Variants in CSMD1 observed in about 807,000 individuals in gnomAD.
CSMD1 encodes CUB and sushi domain-containing protein 1.
In CSMD1, 213 loss-of-function variants were observed where a neutral mutation model predicts 417.5. The observed-to-expected ratio is 0.51, with a 90% CI of 0.46 to 0.57. The LOEUF (loss-of-function observed/expected upper bound fraction) is 0.57. Among genes scored for constraint, CSMD1 ranks in the 20% least tolerant of loss-of-function variants. The probability of loss-of-function intolerance (pLI) is 0.00; values close to 1 mark genes in which losing one functional copy is unlikely to be tolerated. For synonymous variants in CSMD1, 2,862 were observed against 1,736.8 expected (o/e 1.65, Z -16.11); for missense variants, 6,923 against 4,529.7 (o/e 1.53, Z -15.17).
At chr8:3,103,738 CCTTTTT>C (rs1297332393) in intron 46 of CSMD1, among the ~76,000 whole-genome samples, 4 of 132,200 alleles carry the variant, frequency 3.0e-5, no homozygotes. Context: ...TAATCAAATT[CCTTTTT>C]TTTTTAAAAA....
intron 5 of CSMD1, among the ~76,000 whole-genome samples, chr8:3,916,128 A>C (rs962410600): frequency 2.0e-5 from 3 of 152,104 alleles, no homozygotes; most frequent in African/African-American, 7.2e-5. Flanking sequence ...ATGCCAGTAA[A>C]TTTCAGTGAA....
At chr8:4,101,307 C>T (rs1240864859) in intron 3 of CSMD1, among the ~76,000 whole-genome samples, 1 of 152,184 alleles carries the variant, frequency 6.6e-6, no homozygotes, top group Non-Finnish European at 1.5e-5. Context: ...AAGAGTTTCA[C>T]TTGAACAGCT....
At chr8:3,808,654 C>T (rs748206878) in intron 5 of CSMD1, among the ~76,000 whole-genome samples, 1 of 152,098 alleles carries the variant, frequency 6.6e-6, no homozygotes, top group Non-Finnish European at 1.5e-5. Flanking sequence ...GCCCAAGGGA[C>T]TTAGGTCTTG....
At position 4,414,094 on chromosome 8, in the gene CSMD1, G is replaced by C. The variant is rs138427506; in HGVS notation, c.415+5859C>G. Among the ~76,000 whole-genome samples the C allele has an allele frequency of 2.9e-3, 448 of 152,302 alleles. 1 individual carries two copies. Among genetic ancestry groups the C allele is most frequent in the African/African-American group, 0.01 (418 of 41,560 alleles). On this transcript the variant is annotated intron_variant, in intron 3 of 69. Coordinates refer to ENST00000635120, the MANE Select transcript of CSMD1 (RefSeq NM_033225.6). ...ATGCATGCTCCATGCTTTAATTCAG[G>C]TGGAGTTTGGGTTATCACTTCAAGG...
chr8:3,998,881 T>TAA (rs1239057277), intron 4 of CSMD1, among the ~76,000 whole-genome samples: 1 of 149,692 alleles, frequency 6.7e-6, no homozygotes, highest in Non-Finnish European at 1.5e-5. Context: ...TTGATATATA[T>TAA]AACATATAAT....
intron 10 of CSMD1, among the ~76,000 whole-genome samples, chr8:3,536,265 G>A (rs1798194522): frequency 1.3e-5 from 2 of 152,198 alleles, no homozygotes; most frequent in Admixed American, 1.3e-4. Context: ...TAATAAGTTT[G>A]TGTGTATGAC....
At chr8:3,985,631 GA>G (rs1814265267) in intron 5 of CSMD1, among the ~76,000 whole-genome samples, 1 of 152,138 alleles carries the variant, frequency 6.6e-6, no homozygotes. Flanking sequence ...TTGCACGGCA[GA>G]ACCGTTGCAC....
intron 26 of CSMD1, among the ~76,000 whole-genome samples, chr8:3,231,105 C>A (rs1367204216): frequency 6.6e-6 from 1 of 152,124 alleles, no homozygotes; most frequent in African/African-American, 2.4e-5. Flanking sequence ...CCAGAGTATC[C>A]CCCATCACTC....
rs374475272 is a variant in CSMD1, at chr8:3,151,494, C to A, written c.5934G>T (p.Leu1978=). The A allele has an allele frequency of 8.1e-6, 13 of 1,612,654 alleles. No homozygotes were observed. The highest frequency in any genetic ancestry group is 1.1e-5 in the Non-Finnish European group (13 of 1,179,374). ...TCAGGATCACACCACCCAAGGTGCT[C>A]AGCGTCCCTCCACAGGTTGCTGTTA... is the stretch of plus-strand genomic sequence containing the variant. ...PLCIATCGGT[L]STLGGVILSP... The change falls in exon 40 of 70, where the codon CTG becomes CTT. Residue 1978 remains leucine, a synonymous_variant. Transcript: ENST00000635120.
At chr8:3,241,956 TTGAGAA>T (rs1186595003) in intron 26 of CSMD1, among the ~76,000 whole-genome samples, 1 of 141,742 alleles carries the variant, frequency 7.1e-6, no homozygotes, top group Non-Finnish European at 1.5e-5. Flanking sequence ...AAAATGTATA[TTGAGAA>T]TAAGACGGCC....
intron 2 of CSMD1, among the ~76,000 whole-genome samples, chr8:4,556,395 A>C (rs1381401493): frequency 6.6e-6 from 1 of 152,178 alleles, no homozygotes; most frequent in African/African-American, 2.4e-5. Flanking sequence ...AGAGCATTGT[A>C]AGCTGGCAAG....
chr8:4,568,070 G>A (rs918623104), intron 2 of CSMD1, among the ~76,000 whole-genome samples: 1 of 152,170 alleles, frequency 6.6e-6, no homozygotes, highest in Non-Finnish European at 1.5e-5. Context: ...AAATGTGAAT[G>A]CTTGGTTAAT....
At chr8:4,711,753 T>C (rs1255913137) in intron 1 of CSMD1, among the ~76,000 whole-genome samples, 3 of 152,194 alleles carry the variant, frequency 2.0e-5, no homozygotes, top group Non-Finnish European at 2.9e-5. Context: ...GGTGTGTTTA[T>C]GTAGTTTTTG....
intron 56 of CSMD1, among the ~76,000 whole-genome samples, chr8:2,973,977 A>G (rs1804694736): frequency 7.2e-6 from 1 of 137,992 alleles, no homozygotes; most frequent in Admixed American, 6.8e-5. Context: ...GGATGGTGGT[A>G]GAGGATGGTG....
At chr8:3,047,749 C>A (rs1811555389) in intron 50 of CSMD1, among the ~76,000 whole-genome samples, 1 of 152,190 alleles carries the variant, frequency 6.6e-6, no homozygotes, top group African/African-American at 2.4e-5. Flanking sequence ...AATGCCAATC[C>A]CTTTTTTGGC....
At chr8:4,880,995 C>T (rs1482786636) in intron 1 of CSMD1, among the ~76,000 whole-genome samples, 1 of 151,968 alleles carries the variant, frequency 6.6e-6, no homozygotes, top group Non-Finnish European at 1.5e-5. Flanking sequence ...AGTAATGAGG[C>T]CTTTCCTTTC....
At chr8:3,382,978 C>G (rs140335143) in intron 18 of CSMD1, among the ~76,000 whole-genome samples, 135 of 152,222 alleles carry the variant, frequency 8.9e-4, no homozygotes, top group African/African-American at 3.2e-3. Context: ...GCCACTTAAA[C>G]GCTGTGACAA....
At chr8:4,583,814 C>G (rs530844841) in intron 2 of CSMD1, among the ~76,000 whole-genome samples, 1 of 152,140 alleles carries the variant, frequency 6.6e-6, no homozygotes, top group Non-Finnish European at 1.5e-5. Context: ...CTGCCCCAGC[C>G]AGCAGTGGCA....
chr8:4,767,333 T>C (rs1248718064), intron 1 of CSMD1, among the ~76,000 whole-genome samples: 1 of 152,246 alleles, frequency 6.6e-6, no homozygotes, highest in African/African-American at 2.4e-5. Flanking sequence ...TATTTTCAAA[T>C]GTAGAGACTT....
Sources: gnomAD v4.1 joint callset for allele counts (sites outside exome capture counted in the v4.1 genomes callset) on GRCh38, gnomAD v4.1.1 for gene constraint, MANE v1.5 for transcripts, NCBI Gene and HGNC (gene_info 2026-07-23, HGNC 2026-07-21) for gene names.